SLC8A3: variants seen among roughly 807,000 people sequenced by gnomAD.
SLC8A3 encodes sodium/calcium exchanger 3.
SLC8A3 carries 37 observed loss-of-function variants against 65.4 expected under a neutral mutation model. That is an observed-to-expected ratio of 0.57 (90% CI 0.44 to 0.74). SLC8A3 has a LOEUF of 0.74. SLC8A3 is among the 30% of genes least tolerant of loss of function. The probability of loss-of-function intolerance (pLI) is 0.00; values close to 1 mark genes in which losing one functional copy is unlikely to be tolerated. For missense variants in SLC8A3, 1,112 were observed against 1,172.1 expected (o/e 0.95, Z 0.75); for synonymous variants, 461 against 444.5 (o/e 1.04, Z -0.47).
intron 2 of SLC8A3, among the ~76,000 whole-genome samples, chr14:70,076,006 C>T (rs184018099): frequency 4.6e-5 from 7 of 152,270 alleles, no homozygotes; most frequent in East Asian, 1.9e-4. Flanking sequence ...ACAGTGAGAA[C>T]GCTGATCAAG....
chr14:70,174,302 G>A (rs906107674), intron 1 of SLC8A3, among the ~76,000 whole-genome samples: 1 of 152,236 alleles, frequency 6.6e-6, no homozygotes, highest in African/African-American at 2.4e-5. Context: ...AAATGGACAA[G>A]AACTTCCTTT....
At chr14:70,168,549 C>T (rs940116812) in intron 1 of SLC8A3, 65 bp from the exon 2 acceptor site, 2 of 673,590 alleles carry the variant, frequency 3.0e-6, no homozygotes, top group Non-Finnish European at 5.0e-6. Flanking sequence ...GGCAGGTTCC[C>T]ACCAATACAA....
rs1304392900 is a variant in SLC8A3 at position 70,060,689 on chromosome 14, C to A, written c.1888+147G>T. Reference sequence around the variant, plus strand: ...ACAGGAGGGAAAAGAATAAAAAAATCCATTGGTCAAAAAGAGAAAGGAGGA... The same window carrying A: ...ACAGGAGGGAAAAGAATAAAAAAATACATTGGTCAAAAAGAGAAAGGAGGA... On this transcript the variant is annotated intron_variant, in intron 3 of 6. Transcript: ENST00000356921. 9.2e-6 allele frequency: 7 copies of A among 759,776 alleles called. No homozygotes were observed. The African/African-American group carries it at 1.0e-4, about 11-fold the overall frequency. 47.1% of individuals were successfully genotyped at this position (759,776 alleles called of 1,614,324 possible). A position where few individuals can be genotyped will look rare whatever the true frequency, so the allele number is the denominator to read the frequency against.
At chr14:70,068,481 C>T (rs75760981) in intron 2 of SLC8A3, among the ~76,000 whole-genome samples, 1,560 of 152,128 alleles carry the variant, frequency 0.01, 35 homozygotes, top group African/African-American at 0.036. Context: ...GTGCTCAGGC[C>T]GTCCTCCTGC....
chr14:70,157,018 C>T (rs1566817516), intron 2 of SLC8A3, among the ~76,000 whole-genome samples: 2 of 152,190 alleles, frequency 1.3e-5, no homozygotes. Flanking sequence ...ATATGTGCCA[C>T]AAGCATCATT....
At chr14:70,051,802 A>G (rs932541306) in intron 4 of SLC8A3, among the ~76,000 whole-genome samples, 188 bp downstream of exon 4, 9 of 152,188 alleles carry the variant, frequency 5.9e-5, no homozygotes, top group African/African-American at 2.2e-4. Context: ...CAATATTCCT[A>G]GCATACAAAT....
At chr14:70,172,404 C>T (rs796566026) in intron 1 of SLC8A3, among the ~76,000 whole-genome samples, 5 of 152,238 alleles carry the variant, frequency 3.3e-5, no homozygotes, top group East Asian at 1.9e-4. Context: ...GTTTTAACCA[C>T]CCTATTTTAC....
At position 70,052,157 on chromosome 14, in the gene SLC8A3, T is replaced by C. The variant is rs1887588366; in HGVS notation, c.1889-43A>G. ...CAGACTCGCTTTAACACCTTTTCCA[T>C]TCCCTGGAAGGATACAGCTCAGAGT... On this transcript the variant is annotated intron_variant, in intron 3 of 6. Coordinates refer to ENST00000356921, the MANE Select transcript of SLC8A3 (RefSeq NM_182932.3). The C allele has an allele frequency of 3.2e-6, 5 of 1,558,370 alleles. No homozygotes were observed. In the African/African-American group the frequency reaches 5.5e-5, roughly 17 times the overall value.
At chr14:70,048,714 C>T (rs770676921) in intron 6 of SLC8A3, 53 bp downstream of exon 6, 2 of 1,496,480 alleles carry the variant, frequency 1.3e-6, no homozygotes, top group Non-Finnish European at 1.8e-6. Flanking sequence ...GTCCAGGGGT[C>T]ATTTGAACCA....
At chr14:70,148,188 TAA>T (rs754979585) in intron 2 of SLC8A3, among the ~76,000 whole-genome samples, 2 of 152,248 alleles carry the variant, frequency 1.3e-5, no homozygotes, top group Non-Finnish European at 2.9e-5. Flanking sequence ...TAGACGAATA[TAA>T]GTCTTCTGAA....
rs867745078 is a variant in SLC8A3, at chr14:70,164,806, C to T, written c.1784+1833G>A. Among the ~76,000 whole-genome samples the T allele has an allele frequency of 2.6e-5, 4 of 152,240 alleles. No individual in the cohort carries two copies. In the South Asian group the frequency reaches 6.2e-4, roughly 24 times the overall value. ...CATATCTTCTTCCACACTGACATCG[C>T]GATAATCATGTGAAATTCCATGGAG... On this transcript the variant is annotated intron_variant, in intron 2 of 6. Coordinates refer to ENST00000356921, the MANE Select transcript of SLC8A3 (RefSeq NM_182932.3).
At chr14:70,145,120 T>G (rs936786212) in intron 2 of SLC8A3, among the ~76,000 whole-genome samples, 1 of 152,204 alleles carries the variant, frequency 6.6e-6, no homozygotes, top group Non-Finnish European at 1.5e-5. Flanking sequence ...GAGTATGAAA[T>G]GAAAAAGCAT....
chr14:70,051,486 A>C (rs148928893), intron 4 of SLC8A3, among the ~76,000 whole-genome samples: 337 of 152,176 alleles, frequency 2.2e-3, no homozygotes, highest in African/African-American at 7.9e-3. Context: ...TTTTTTATAG[A>C]GATGGAGTCT....
chr14:70,158,253 G>T (rs901652733), intron 2 of SLC8A3, among the ~76,000 whole-genome samples: 14 of 152,184 alleles, frequency 9.2e-5, no homozygotes, highest in African/African-American at 3.4e-4. Flanking sequence ...ATGAAGATCC[G>T]CAGCCAGGGC....
intron 2 of SLC8A3, among the ~76,000 whole-genome samples, chr14:70,160,561 C>T (rs904975346): frequency 1.3e-5 from 2 of 152,138 alleles, no homozygotes; most frequent in African/African-American, 4.8e-5. Context: ...TGGAATCAAT[C>T]TCTTGTGGAT....
intron 1 of SLC8A3, among the ~76,000 whole-genome samples, chr14:70,188,167 C>G (rs1883496632): frequency 6.6e-6 from 1 of 152,138 alleles, no homozygotes; most frequent in African/African-American, 2.4e-5. Context: ...ACTGCATACA[C>G]AATGTACACT....
chr14:70,144,072 G>A (rs941345190), intron 2 of SLC8A3, among the ~76,000 whole-genome samples: 5 of 152,050 alleles, frequency 3.3e-5, no homozygotes, highest in Non-Finnish European at 7.4e-5. Context: ...TGTGAGCTAC[G>A]TGAGGACTGG....
intron 2 of SLC8A3, among the ~76,000 whole-genome samples, chr14:70,149,659 T>C (rs1042423689): frequency 6.6e-6 from 1 of 152,166 alleles, no homozygotes; most frequent in Non-Finnish European, 1.5e-5. Context: ...TGTACTGTAA[T>C]TATTGTAGCT....
Position 70,064,760 on chromosome 14 carries a change from CT to C in SLC8A3, c.1785-3822del, listed in dbSNP as rs1324018181. Among the ~76,000 whole-genome samples the C allele has an allele frequency of 7.9e-5, 12 of 152,278 alleles. No homozygotes were observed. In the East Asian group the frequency reaches 2.3e-3, roughly 29 times the overall value. On this transcript the variant is annotated intron_variant, in intron 2 of 6. Coordinates refer to ENST00000356921, the MANE Select transcript of SLC8A3 (RefSeq NM_182932.3). The stretch of plus-strand genomic sequence containing the variant: ...TTTTGTGGCTAGCACAATTATATTG[CT>C]TTTCATGTTAAAAGGTGTTAGTTTG...
Sources: allele counts gnomAD v4.1 joint callset (sites outside exome capture counted in the v4.1 genomes callset), GRCh38; gene constraint gnomAD v4.1.1; transcripts MANE v1.5; gene names NCBI Gene and HGNC (gene_info 2026-07-23, HGNC 2026-07-21).